GCLM: variants seen among roughly 807,000 people sequenced by gnomAD.
GCLM encodes glutamate-cysteine ligase modifier subunit.
GCLM carries 15 observed loss-of-function variants against 36.0 expected under a neutral mutation model. That is an observed-to-expected ratio of 0.42 (90% CI 0.28 to 0.64). The LOEUF (loss-of-function observed/expected upper bound fraction) is 0.64, where lower values mean the gene tolerates loss of function less well. Ranked by LOEUF, GCLM falls within the 30% of genes least tolerant of loss-of-function variation. The pLI is 0.25. For missense variants in GCLM, 242 were observed against 325.5 expected (o/e 0.74, Z 1.97); for synonymous variants, 129 against 122.8 (o/e 1.05, Z -0.34).
At chr1:93,901,063 G>C (rs756067513) in intron 3 of GCLM, among the ~76,000 whole-genome samples, 1 of 152,134 alleles carries the variant, frequency 6.6e-6, no homozygotes, top group Admixed American at 6.6e-5. Context: ...CAGAGATGGC[G>C]CATCTTTTCA....
chr1:93,896,168 G>A (rs1223292836), intron 5 of GCLM, among the ~76,000 whole-genome samples: 1 of 151,722 alleles, frequency 6.6e-6, no homozygotes, highest in Non-Finnish European at 1.5e-5. Flanking sequence ...TCACCATGTT[G>A]GTCAGGCTGG....
At chr1:93,894,835 C>A in intron 5 of GCLM, 107 bp from the exon 6 acceptor site, 1 of 624,304 alleles carries the variant, frequency 1.6e-6, no homozygotes, top group South Asian at 2.0e-5. Context: ...TATGAAAAAT[C>A]ACAATCCACA....
intron 1 of GCLM, among the ~76,000 whole-genome samples, chr1:93,905,549 T>A (rs17878765): frequency 4.1e-4 from 62 of 152,164 alleles, no homozygotes; most frequent in Non-Finnish European, 7.2e-4. Context: ...ACTCCAGAAG[T>A]CATTTCGTAA....
In GCLM at chr1:93,909,304, G is replaced by A. The variant is rs967144397; in HGVS notation, c.-141C>T. On this transcript the variant is annotated 5_prime_UTR_variant, in exon 1 of 7. Transcript: ENST00000370238. ...AGGCTGCCGGCGCCGCGCGGCTGGA[G>A]CCTGGTCTGCGCTCGGGCCCGAGGG... The A allele has an allele frequency of 1.9e-6, 2 of 1,043,738 alleles. No homozygotes were observed. The highest frequency in any genetic ancestry group is 2.3e-6 in the Non-Finnish European group (2 of 869,444). 64.7% of individuals were successfully genotyped at this position (1,043,738 alleles called of 1,614,324 possible). A position where few individuals can be genotyped will look rare whatever the true frequency, so the allele number is the denominator to read the frequency against.
chr1:93,901,589 A>T lies in GCLM; in HGVS notation c.273T>A (p.Val91=). 6.6e-7 allele frequency: 1 copy of T among 1,517,316 alleles called. No individual in the cohort carries two copies. Among genetic ancestry groups the T allele is most frequent in the Non-Finnish European group, 9.1e-7 (1 of 1,095,150 alleles). 94.0% of individuals were successfully genotyped at this position (1,517,316 alleles called of 1,614,324 possible). The stretch of plus-strand genomic sequence containing the variant: ...ACAGAAAAGACTGGACTTTACCAGA[A>T]ACTTTCATTTCTTCTCTTTCATCAG... ...INPDEREEMK[V]SAKLFIVESN... The change falls in exon 3 of 7, where the codon GTT becomes GTA. Residue 91 remains valine, a synonymous_variant. Transcript: ENST00000370238.
At chr1:93,909,015 G>A in intron 1 of GCLM, 23 bp downstream of exon 1, 3 of 1,440,482 alleles carry the variant, frequency 2.1e-6, no homozygotes, top group Non-Finnish European at 2.7e-6. Context: ...CGGGAGCCCC[G>A]CGGCGAGTGT....
intron 1 of GCLM, among the ~76,000 whole-genome samples, chr1:93,905,173 CAAAAAAAAAAA>C (rs921621833): frequency 4.4e-5 from 3 of 68,334 alleles, no homozygotes; most frequent in Middle Eastern, 8.5e-3. Flanking sequence ...ACTCTATTTC[CAAAAAAAAAAA>C]AAAAAAAAGG....
intron 1 of GCLM, among the ~76,000 whole-genome samples, chr1:93,906,009 T>G (rs1259895334): frequency 2.0e-5 from 3 of 152,216 alleles, no homozygotes; most frequent in Admixed American, 6.5e-5. Flanking sequence ...AAAAGCACTT[T>G]CCTAATAGAA....
intron 6 of GCLM, among the ~76,000 whole-genome samples, chr1:93,891,275 A>T (rs1320605179): frequency 6.6e-6 from 1 of 152,052 alleles, no homozygotes; most frequent in Non-Finnish European, 1.5e-5. Flanking sequence ...CTCTGGCCAC[A>T]CTGGCCTCAC....
intron 5 of GCLM, 139 bp from the exon 6 acceptor site, chr1:93,894,867 C>CT (rs1656669771): frequency 1.7e-6 from 1 of 581,090 alleles, no homozygotes; most frequent in Non-Finnish European, 3.1e-6. Flanking sequence ...TTACAAAATA[C>CT]TTTTACATTA....
intron 6 of GCLM, among the ~76,000 whole-genome samples, chr1:93,893,279 T>C (rs1010171477): frequency 6.6e-6 from 1 of 152,216 alleles, no homozygotes; most frequent in Non-Finnish European, 1.5e-5. Context: ...AAATGTATAG[T>C]TTCCGTTGTT....
chr1:93,906,925 CTATT>C (rs1424211512), intron 1 of GCLM, among the ~76,000 whole-genome samples: 1 of 152,146 alleles, frequency 6.6e-6, no homozygotes. Flanking sequence ...CACTTACAAA[CTATT>C]TGATTTCATA....
chr1:93,896,768 A>C lies in GCLM; in HGVS notation c.390T>G (p.Pro130=). Residue 130 remains proline, a synonymous_variant, in exon 5 of 7, where the codon CCT becomes CCG. Coordinates refer to ENST00000370238, the MANE Select transcript of GCLM (RefSeq NM_002061.4). ...AAAGATTAACTCCATCTTCAATAGG[A>C]GGTGAAGCAATGATCACAGAATCCA... The part of the protein sequence containing the change: ...AQLDSVIIAS[P]PIEDGVNLSL... The C allele has an allele frequency of 6.2e-7, 1 of 1,610,340 alleles. No individual in the cohort carries two copies. The highest frequency in any genetic ancestry group is 8.5e-7 in the Non-Finnish European group (1 of 1,176,500).
chr1:93,893,607 T>C (rs1297738148), intron 6 of GCLM, among the ~76,000 whole-genome samples: 1 of 152,236 alleles, frequency 6.6e-6, no homozygotes, highest in Non-Finnish European at 1.5e-5. Flanking sequence ...AGAACTTCTA[T>C]AAAAATGTCA....
intron 6 of GCLM, among the ~76,000 whole-genome samples, chr1:93,892,433 C>CAG (rs1366177106): frequency 6.6e-6 from 1 of 152,088 alleles, no homozygotes; most frequent in African/African-American, 2.4e-5. Flanking sequence ...GACACAAAAT[C>CAG]AGAGACTATG....
rs1657261045 is a variant in GCLM, at chr1:93,909,079, C to T, written c.85G>A (p.Gly29Ser). The T allele has an allele frequency of 1.4e-6, 2 of 1,474,972 alleles. No individual in the cohort carries two copies. Among genetic ancestry groups the T allele is most frequent in the Non-Finnish European group, 8.9e-7 (1 of 1,118,766 alleles). 91.4% of individuals were successfully genotyped at this position (1,474,972 alleles called of 1,614,324 possible). The change falls in exon 1 of 7, where the codon GGC becomes AGC. Residue 29 changes from glycine to serine, a missense_variant. Physicochemically the swap from Gly to Ser is moderately conservative, Grantham distance 56 (BLOSUM62 0). Transcript: ENST00000370238. ...GACGGGCACTTCTTCCGCAGGCGGC[C>T]CCAGTTCAGCAGGTTCCCCGTCTGC... is the stretch of plus-strand genomic sequence containing the variant. ...HLQTGNLLNW[G>S]RLRKKCPSTH...
At chr1:93,898,091 GTGC>G (rs1176241891) in intron 3 of GCLM, among the ~76,000 whole-genome samples, 193 bp from the exon 4 acceptor site, 2 of 151,574 alleles carry the variant, frequency 1.3e-5, no homozygotes, top group African/African-American at 4.8e-5. Flanking sequence ...TTAAAATCAT[GTGC>G]TAGTTGCCAA....
chr1:93,899,815 A>G (rs1048412083), intron 3 of GCLM, among the ~76,000 whole-genome samples: 1 of 152,174 alleles, frequency 6.6e-6, no homozygotes, highest in African/African-American at 2.4e-5. Flanking sequence ...GTCATTTTCT[A>G]TATTTGTAAT....
At chr1:93,903,309 TTTA>T (rs1464229604) in intron 2 of GCLM, among the ~76,000 whole-genome samples, 10 of 151,426 alleles carry the variant, frequency 6.6e-5, no homozygotes, top group Non-Finnish European at 1.0e-4. Context: ...TTTATTTAAT[TTTA>T]TTATTATTAT....
Sources: allele counts gnomAD v4.1 joint callset (sites outside exome capture counted in the v4.1 genomes callset), GRCh38; gene constraint gnomAD v4.1.1; transcripts MANE v1.5; gene names NCBI Gene and HGNC (gene_info 2026-07-23, HGNC 2026-07-21).